Variants in PCDH9 observed in about 807,000 individuals in gnomAD.
PCDH9 encodes the protein protocadherin 9, also known as protocadherin-9.
In PCDH9, 24 loss-of-function variants were observed where a neutral mutation model predicts 70.6. The ratio of observed to expected loss-of-function variants is 0.34; its 90% CI spans 0.25 to 0.48. The LOEUF is 0.48. PCDH9 is among the 20% of genes least tolerant of loss of function. The pLI is 0.99. For missense variants in PCDH9, 1,281 were observed against 1,503.6 expected (o/e 0.85, Z 2.45); for synonymous variants, 562 against 558.5 (o/e 1.01, Z -0.09).
chr13:66,485,139 T>C (rs1032152712), intron 4 of PCDH9, among the ~76,000 whole-genome samples: 1 of 152,230 alleles, frequency 6.6e-6, no homozygotes, highest in African/African-American at 2.4e-5. Flanking sequence ...AACAGTATTC[T>C]TGAAAACTTG....
chr13:67,137,569 G>A (rs2087264478), intron 2 of PCDH9, among the ~76,000 whole-genome samples: 1 of 152,128 alleles, frequency 6.6e-6, no homozygotes, highest in Non-Finnish European at 1.5e-5. Flanking sequence ...ATGGAAATTG[G>A]CTTTCAGCTT....
chr13:66,705,288 AT>A (rs1178817967), intron 3 of PCDH9, among the ~76,000 whole-genome samples: 9 of 152,224 alleles, frequency 5.9e-5, no homozygotes, highest in African/African-American at 2.2e-4. Flanking sequence ...TATGTAGCAT[AT>A]AAACTGCTGC....
At chr13:66,540,938 AT>A (rs1428843919) in intron 4 of PCDH9, among the ~76,000 whole-genome samples, 1 of 152,154 alleles carries the variant, frequency 6.6e-6, no homozygotes, top group Non-Finnish European at 1.5e-5. Flanking sequence ...TTGGCTGCTC[AT>A]TTGTAATCTA....
chr13:66,591,646 A>T (rs1593743117), intron 4 of PCDH9, among the ~76,000 whole-genome samples: 2 of 151,732 alleles, frequency 1.3e-5, no homozygotes, highest in South Asian at 4.2e-4. Flanking sequence ...CAGAATAACA[A>T]TTGGCCTAGA....
At chr13:67,040,108 A>T (rs1317439444) in intron 2 of PCDH9, among the ~76,000 whole-genome samples, 1 of 152,252 alleles carries the variant, frequency 6.6e-6, no homozygotes, top group Non-Finnish European at 1.5e-5. Flanking sequence ...AAATATAAAC[A>T]TACAGATCAT....
At chr13:66,498,302 G>A (rs1486034469) in intron 4 of PCDH9, among the ~76,000 whole-genome samples, 19 of 151,850 alleles carry the variant, frequency 1.3e-4, no homozygotes, top group African/African-American at 2.2e-4. Flanking sequence ...CCACCACCAC[G>A]CCCACCTAAT....
intron 4 of PCDH9, among the ~76,000 whole-genome samples, chr13:66,416,458 C>G (rs947690811): frequency 6.6e-6 from 1 of 152,086 alleles, no homozygotes; most frequent in Admixed American, 6.6e-5. Flanking sequence ...CACCCAATGT[C>G]TTCCAGAAAT....
At chr13:66,357,149 G>A (rs1382219428) in intron 4 of PCDH9, among the ~76,000 whole-genome samples, 1 of 152,036 alleles carries the variant, frequency 6.6e-6, no homozygotes, top group Admixed American at 6.6e-5. Flanking sequence ...GGAATTAAGA[G>A]AGAGAAATAA....
At chr13:66,801,373 G>T (rs2139340483) in intron 3 of PCDH9, among the ~76,000 whole-genome samples, 1 of 152,108 alleles carries the variant, frequency 6.6e-6, no homozygotes, top group Non-Finnish European at 1.5e-5. Context: ...TATAGGCATT[G>T]CCAAGGTCAG....
intron 3 of PCDH9, among the ~76,000 whole-genome samples, chr13:66,851,129 G>T (rs1158796619): frequency 2.0e-5 from 3 of 152,092 alleles, no homozygotes; most frequent in African/African-American, 7.2e-5. Context: ...CAAAAGACAG[G>T]AAAGCATGTG....
At chr13:66,439,371 G>C (rs1002520052) in intron 4 of PCDH9, among the ~76,000 whole-genome samples, 3 of 152,082 alleles carry the variant, frequency 2.0e-5, no homozygotes, top group African/African-American at 7.2e-5. Flanking sequence ...AGTACATCCT[G>C]AAGATTTTAA....
intron 4 of PCDH9, among the ~76,000 whole-genome samples, chr13:66,623,083 A>G (rs1027836808): frequency 1.3e-5 from 2 of 152,192 alleles, no homozygotes; most frequent in Admixed American, 6.5e-5. Flanking sequence ...ACATCCGAAC[A>G]TCAGAAAGAA....
At chr13:66,636,908 T>A (rs1348264719) in intron 3 of PCDH9, among the ~76,000 whole-genome samples, 1 of 152,134 alleles carries the variant, frequency 6.6e-6, no homozygotes, top group Admixed American at 6.5e-5. Flanking sequence ...TTTCTTTATT[T>A]GAAATATTTT....
chr13:66,525,643 A>G (rs1429332240), intron 4 of PCDH9, among the ~76,000 whole-genome samples: 1 of 152,140 alleles, frequency 6.6e-6, no homozygotes, highest in Non-Finnish European at 1.5e-5. Context: ...ATTTCTTTAA[A>G]ACATTTGTCT....
chr13:66,650,298 T>C (rs2077832494), intron 3 of PCDH9, among the ~76,000 whole-genome samples: 1 of 151,896 alleles, frequency 6.6e-6, no homozygotes, highest in Non-Finnish European at 1.5e-5. Flanking sequence ...AGTCATTCTA[T>C]GCAAATGGAA....
intron 2 of PCDH9, among the ~76,000 whole-genome samples, chr13:67,163,582 C>T (rs1009298229): frequency 7.9e-5 from 12 of 152,286 alleles, no homozygotes; most frequent in Admixed American, 2.6e-4. Flanking sequence ...GGAAGGCATT[C>T]AGACAGTAAT....
intron 3 of PCDH9, among the ~76,000 whole-genome samples, chr13:66,825,575 T>G (rs1241088408): frequency 6.6e-6 from 1 of 151,824 alleles, no homozygotes; most frequent in Admixed American, 6.6e-5. Flanking sequence ...GACCTCGTGA[T>G]CCGCCCGTCT....
At chr13:66,395,526 G>A (rs572395377) in intron 4 of PCDH9, among the ~76,000 whole-genome samples, 2 of 152,144 alleles carry the variant, frequency 1.3e-5, no homozygotes, top group South Asian at 2.1e-4. Context: ...CTTGAACACG[G>A]GAGGCAGAGG....
chr13:67,093,403 A>G (rs566546895), intron 2 of PCDH9, among the ~76,000 whole-genome samples: 17 of 152,150 alleles, frequency 1.1e-4, no homozygotes, highest in African/African-American at 3.9e-4. Context: ...GCAGTGAGCT[A>G]AGATTGCGCC....
Sources: allele counts gnomAD v4.1 joint callset (sites outside exome capture counted in the v4.1 genomes callset), GRCh38; gene constraint gnomAD v4.1.1; transcripts MANE v1.5; gene names NCBI Gene and HGNC (gene_info 2026-07-23, HGNC 2026-07-21).